Variants in CEP85L observed in about 807,000 individuals in gnomAD.
The protein encoded by CEP85L is centrosomal protein 85L.
Under a neutral mutation model 100.3 loss-of-function variants are expected in CEP85L, and 60 were observed. That is an observed-to-expected ratio of 0.60 (90% CI 0.49 to 0.74). CEP85L has a LOEUF of 0.74. Ranked by LOEUF, CEP85L falls within the 30% of genes least tolerant of loss-of-function variation. The pLI, the probability that CEP85L is intolerant of heterozygous loss-of-function variation, is 0.00. For missense variants in CEP85L, 973 were observed against 936.2 expected (o/e 1.04, Z -0.51); for synonymous variants, 319 against 322.7 (o/e 0.99, Z 0.12).
chr6:118,657,268 T>C (rs1249755345), upstream of CEP85L: 1 of 152,412 alleles, frequency 6.6e-6, no homozygotes, highest in Non-Finnish European at 1.5e-5. Flanking sequence ...ACTGAGACTA[T>C]ACAGGAGTAT....
chr6:118,703,872 A>T (rs1396618486), intron 1 of CEP85L, among the ~76,000 whole-genome samples: 1 of 152,252 alleles, frequency 6.6e-6, no homozygotes, highest in Non-Finnish European at 1.5e-5. Context: ...CATTATTAAT[A>T]TGTACATCAT....
intron 5 of CEP85L, among the ~76,000 whole-genome samples, chr6:118,503,450 T>C (rs1775437129): frequency 6.6e-6 from 1 of 152,150 alleles, no homozygotes; most frequent in African/African-American, 2.4e-5. Context: ...TCTAAGTTTA[T>C]ATGAAGAGGC....
Position 118,465,267 on chromosome 6 carries a change from T to C in CEP85L, c.*138A>G, listed in dbSNP as rs1772430919. The C allele has an allele frequency of 2.8e-6, 2 of 701,866 alleles. No homozygotes were observed. The highest frequency in any genetic ancestry group is 5.8e-5 in the Admixed American group (2 of 34,656). 43.5% of individuals were successfully genotyped at this position (701,866 alleles called of 1,614,324 possible). A position where few individuals can be genotyped will look rare whatever the true frequency, so the allele number is the denominator to read the frequency against. ...CCCCTTCAAAATCTCTTCACTTCCC[T>C]TCTCCCCTTCAACAAAACAAATCCA... On this transcript the variant is annotated 3_prime_UTR_variant, in exon 13 of 13. Transcript: ENST00000368491.
chr6:118,523,895 C>T lies in CEP85L; in HGVS notation c.1046G>A (p.Ser349Asn). The T allele has an allele frequency of 1.9e-6, 3 of 1,603,822 alleles. No homozygotes were observed. The highest frequency in any genetic ancestry group is 2.6e-6 in the Non-Finnish European group (3 of 1,172,290). Residue 349 changes from serine (S) to asparagine (N), a missense_variant, in exon 4 of 13, where the codon AGT becomes AAT. Coordinates refer to ENST00000368491, the MANE Select transcript of CEP85L (RefSeq NM_001042475.3). Reference protein sequence around the residue: ...MQVLTGSSRQSYSPGYQDFSK... With the variant: ...MQVLTGSSRQNYSPGYQDFSK... Reference sequence around the variant, plus strand: ...GAAATCCTGATAGCCAGGTGAATAACTTTGACGAGATGATCCAGTCAAAAC... The same window carrying T: ...GAAATCCTGATAGCCAGGTGAATAATTTTGACGAGATGATCCAGTCAAAAC...
intron 1 of CEP85L, among the ~76,000 whole-genome samples, chr6:118,704,673 G>A (rs569157655): frequency 2.6e-5 from 4 of 152,220 alleles, no homozygotes; most frequent in Admixed American, 6.5e-5. Flanking sequence ...GTTTCACCAC[G>A]TTGGCCAGGC....
At chr6:118,585,057 G>A (rs111317395) in intron 2 of CEP85L, among the ~76,000 whole-genome samples, 1,939 of 152,264 alleles carry the variant, frequency 0.013, 52 homozygotes, top group African/African-American at 0.044. Context: ...TGACAGATGG[G>A]AGCTCTTTTG....
chr6:118,569,048 G>A lies in CEP85L; in HGVS notation c.233-2732C>T, dbSNP rs893913854. On this transcript the variant is annotated intron_variant, in intron 2 of 12. Coordinates refer to ENST00000368491, the MANE Select transcript of CEP85L (RefSeq NM_001042475.3). Reference sequence around the variant, plus strand: ...TTTAATTTCAAAACTATTATATAGAGTAAAATATAGGGCTGGGGGCAGTGG... The same window carrying A: ...TTTAATTTCAAAACTATTATATAGAATAAAATATAGGGCTGGGGGCAGTGG... Among the ~76,000 whole-genome samples the A allele has an allele frequency of 1.7e-4, 26 of 151,930 alleles. 2 individuals carry two copies. Among genetic ancestry groups the A allele is most frequent in the African/African-American group, 6.3e-4 (26 of 41,362 alleles).
chr6:118,614,675 C>T (rs1772893309), intron 2 of CEP85L, among the ~76,000 whole-genome samples: 1 of 152,152 alleles, frequency 6.6e-6, no homozygotes, highest in Non-Finnish European at 1.5e-5. Context: ...GAAACCCCGT[C>T]TCTATTGAAA....
At chr6:118,666,040 A>G (rs1289346544) in intron 1 of CEP85L, among the ~76,000 whole-genome samples, 1 of 152,208 alleles carries the variant, frequency 6.6e-6, no homozygotes, top group Non-Finnish European at 1.5e-5. Flanking sequence ...ACTTTTGGTA[A>G]AAGGTAAGGA....
At chr6:118,497,146 A>G (rs1348831926) in intron 5 of CEP85L, among the ~76,000 whole-genome samples, 3 of 152,224 alleles carry the variant, frequency 2.0e-5, no homozygotes, top group Non-Finnish European at 2.9e-5. Context: ...ACTAGAAGAG[A>G]ATCAACTGCT....
chr6:118,577,288 T>C (rs1780298127), intron 2 of CEP85L, among the ~76,000 whole-genome samples: 1 of 152,200 alleles, frequency 6.6e-6, no homozygotes, highest in Non-Finnish European at 1.5e-5. Context: ...GGACCACTAT[T>C]GGATACTCTG....
At chr6:118,566,429 T>A in intron 2 of CEP85L, 113 bp from the exon 3 acceptor site, 1 of 931,868 alleles carries the variant, frequency 1.1e-6, no homozygotes, top group Non-Finnish European at 1.6e-6. Flanking sequence ...CACAAGCTTT[T>A]TTTTTTGAGA....
At chr6:118,519,430 CTCTGTGTG>C (rs1337523552) in intron 4 of CEP85L, among the ~76,000 whole-genome samples, 39 of 91,184 alleles carry the variant, frequency 4.3e-4, no homozygotes, top group African/African-American at 1.7e-3. Flanking sequence ...CAGAGCAAAA[CTCTGTGTG>C]TGTGTGTGTG....
intron 1 of CEP85L, among the ~76,000 whole-genome samples, chr6:118,679,338 G>A (rs1273345466): frequency 1.3e-5 from 2 of 152,176 alleles, no homozygotes; most frequent in Admixed American, 6.5e-5. Flanking sequence ...CAATAAATAT[G>A]TGATTAAAGG....
chr6:118,640,992 C>T (rs528345182), intron 1 of CEP85L, among the ~76,000 whole-genome samples: 1 of 152,272 alleles, frequency 6.6e-6, no homozygotes, highest in South Asian at 2.1e-4. Flanking sequence ...GCTTACTTCA[C>T]TTTAAGCTTT....
At chr6:118,702,625 C>G (rs182527175) in intron 1 of CEP85L, among the ~76,000 whole-genome samples, 1 of 152,340 alleles carries the variant, frequency 6.6e-6, no homozygotes, top group African/African-American at 2.4e-5. Context: ...AAAACCTACA[C>G]TTTCTAAAAC....
intron 7 of CEP85L, among the ~76,000 whole-genome samples, chr6:118,482,765 T>C (rs2114538764): frequency 6.6e-6 from 1 of 152,346 alleles, no homozygotes; most frequent in South Asian, 2.1e-4. Flanking sequence ...TTCCTGCTCA[T>C]GCAACCTCCT....
chr6:118,473,737 T>C (rs1397977185), intron 10 of CEP85L, among the ~76,000 whole-genome samples: 5 of 151,718 alleles, frequency 3.3e-5, no homozygotes, highest in African/African-American at 1.2e-4. Flanking sequence ...AGGGTGGCAA[T>C]GGAGGAGGCA....
chr6:118,578,391 C>T (rs370017926), intron 2 of CEP85L, among the ~76,000 whole-genome samples: 21 of 152,286 alleles, frequency 1.4e-4, no homozygotes, highest in African/African-American at 4.6e-4. Flanking sequence ...TTTGGTCCAA[C>T]CCTAGCCAAT....
Sources: gnomAD v4.1 joint callset for allele counts (sites outside exome capture counted in the v4.1 genomes callset) on GRCh38, gnomAD v4.1.1 for gene constraint, MANE v1.5 for transcripts, NCBI Gene and HGNC (gene_info 2026-07-23, HGNC 2026-07-21) for gene names.